The following ALX3 variants were observed in gnomAD, a reference collection of about 807,000 sequenced individuals.
The protein encoded by ALX3 is homeobox protein aristaless-like 3.
Under a neutral mutation model 26.3 loss-of-function variants are expected in ALX3, and 17 were observed. That is an observed-to-expected ratio of 0.65 (90% CI 0.44 to 0.97). The LOEUF (loss-of-function observed/expected upper bound fraction) is 0.97, where lower values mean the gene tolerates loss of function less well. ALX3 is among the 50% of genes least tolerant of loss of function. The pLI is 0.00. For synonymous variants in ALX3, 208 were observed against 201.4 expected (o/e 1.03, Z -0.28); for missense variants, 461 against 466.5 (o/e 0.99, Z 0.11).
At position 110,070,633 on chromosome 1, in the gene ALX3, C is replaced by G. The variant is rs920033778; in HGVS notation, c.-21G>C. The G allele has an allele frequency of 1.4e-4, 166 of 1,210,820 alleles. No homozygotes were observed. The highest frequency in any genetic ancestry group is 1.6e-4 in the Non-Finnish European group (159 of 975,494). 75.0% of individuals were successfully genotyped at this position (1,210,820 alleles called of 1,614,324 possible). A position where few individuals can be genotyped will look rare whatever the true frequency, so the allele number is the denominator to read the frequency against. On this transcript the variant is annotated 5_prime_UTR_variant, in exon 1 of 4. Transcript: ENST00000647563. ...TCCATGCCGGCTCAGGGCGCACAGGCCTCCGGGGCTCCGGGGCTCGCGCTG... is the reference window on the plus strand; with the variant it reads ...TCCATGCCGGCTCAGGGCGCACAGGGCTCCGGGGCTCCGGGGCTCGCGCTG...
At position 110,064,789 on chromosome 1, in the gene ALX3, C is replaced by A; in HGVS notation, c.392G>T (p.Ser131Ile). ...TCCCGGGGAAAGAGGAAGATGCAGGCTGGCCAGGCAGGGGCCTGGGGAGCC... is the reference window on the plus strand; with the variant it reads ...TCCCGGGGAAAGAGGAAGATGCAGGATGGCCAGGCAGGGGCCTGGGGAGCC... ...LQGSPGPCLA[S>I]LHLPLSPGLP... The change falls in exon 2 of 4, where the codon AGC becomes ATC. Residue 131 changes from serine (S) to isoleucine (I), a missense_variant. Around this residue, in one of 3 missense-constraint regions of ALX3, gnomAD observed 241 missense variants for 206.1 expected, o/e 1.17. Coordinates refer to ENST00000647563, the MANE Select transcript of ALX3 (RefSeq NM_006492.3). The A allele has an allele frequency of 6.2e-7, 1 of 1,614,158 alleles. No homozygotes were observed. Among genetic ancestry groups the A allele is most frequent in the East Asian group, 2.2e-5 (1 of 44,878 alleles).
At chr1:110,068,612 G>A (rs1653844295) in intron 1 of ALX3, among the ~76,000 whole-genome samples, 1 of 152,180 alleles carries the variant, frequency 6.6e-6, no homozygotes, top group Admixed American at 6.5e-5. Flanking sequence ...CTTTTGTTTA[G>A]TCTGCTCCCT....
chr1:110,061,341 G>A (rs1653637902), intron 3 of ALX3, 94 bp downstream of exon 3: 5 of 1,585,986 alleles, frequency 3.2e-6, no homozygotes, highest in Non-Finnish European at 3.5e-6. Flanking sequence ...CTGTCATACA[G>A]AACGCTGACG....
In ALX3 at chr1:110,064,691, G is replaced by A; in HGVS notation, c.490C>T (p.Gln164Ter). Reference protein sequence around the residue: ...RRNRTTFSTFQLEELEKVFQK... With the variant: ...RRNRTTFSTF ...AAGACCTTCTCCAGCTCCTCCAGCT[G>A]GAATGTGCTGAAGGTCGTGCGGTTA... The change falls in exon 2 of 4, where the codon CAG becomes TAG. Residue 164 changes from glutamine (Q) to a stop codon, truncating the protein, a stop_gained. Coordinates refer to ENST00000647563, the MANE Select transcript of ALX3 (RefSeq NM_006492.3). LOFTEE classifies it high-confidence loss of function. 1.2e-6 allele frequency: 2 copies of A among 1,614,244 alleles called. No homozygotes were observed. The highest frequency in any genetic ancestry group is 8.5e-7 in the Non-Finnish European group (1 of 1,180,058).
chr1:110,063,366 A>C (rs1250311353), intron 2 of ALX3, among the ~76,000 whole-genome samples: 1 of 152,126 alleles, frequency 6.6e-6, no homozygotes, highest in Non-Finnish European at 1.5e-5. Flanking sequence ...CAGTCTTGGA[A>C]GTCTGTTTTG....
chr1:110,068,393 G>A (rs1180157958), intron 1 of ALX3, among the ~76,000 whole-genome samples: 3 of 152,258 alleles, frequency 2.0e-5, no homozygotes, highest in Non-Finnish European at 2.9e-5. Flanking sequence ...GCTGCGCCGA[G>A]GTCCGCTCTG....
Position 110,060,616 on chromosome 1 carries a change from T to C in ALX3, c.*117A>G. 1.8e-6 allele frequency: 1 copy of C among 549,622 alleles called. No individual in the cohort carries two copies. The highest frequency in any genetic ancestry group is 2.4e-6 in the Non-Finnish European group (1 of 413,928). 34.0% of individuals were successfully genotyped at this position (549,622 alleles called of 1,614,324 possible). ...CGTGTTCCCTGCTGGGGGCTGACAG[T>C]GCCAGCTGCTCTCGCAGCCTCCAGA... On this transcript the variant is annotated 3_prime_UTR_variant, in exon 4 of 4. Transcript: ENST00000647563.
chr1:110,060,942 A>G lies in ALX3; in HGVS notation c.823T>C (p.Ser275Pro). ...CCAGCCACACTCCCATGGGGGTGGG[A>G]ATATGGAGACATGCATGGGGAGGGG... ...GIPSPCMSPY[S>P]HPHGSVAGFM... is the part of the protein sequence containing the mutation. The change falls in exon 4 of 4, where the codon TCC (serine) becomes CCC (proline). Residue 275 changes from serine (S) to proline (P), a missense_variant. Transcript: ENST00000647563. 6.2e-7 allele frequency: 1 copy of G among 1,613,168 alleles called. No homozygotes were observed.
Position 110,070,531 on chromosome 1 carries a change from G to A in ALX3, c.82C>T (p.Pro28Ser), listed in dbSNP as rs1256366776. 1.5e-6 allele frequency: 2 copies of A among 1,290,528 alleles called. No homozygotes were observed. The highest frequency in any genetic ancestry group is 2.0e-6 in the Non-Finnish European group (2 of 1,018,976). The allele number at this position is 1,290,528 out of a possible 1,614,324, so 79.9% of individuals were successfully genotyped here. The change falls in exon 1 of 4, where the codon CCG becomes TCG. Residue 28 changes from proline to serine, a missense_variant. Physicochemically the swap from Pro to Ser is moderately conservative, Grantham distance 74. Coordinates refer to ENST00000647563, the MANE Select transcript of ALX3 (RefSeq NM_006492.3). The part of the protein sequence containing the change: ...YVASGDEPPG[P>S]QGTPAAAPHL... ...GGCGCAGCGGCGGGGGTTCCCTGCGGGCCCGGAGGCTCGTCCCCCGAGGCC... is the reference window on the plus strand; with the variant it reads ...GGCGCAGCGGCGGGGGTTCCCTGCGAGCCCGGAGGCTCGTCCCCCGAGGCC...
intron 1 of ALX3, among the ~76,000 whole-genome samples, chr1:110,068,902 G>A (rs899328261): frequency 6.6e-6 from 1 of 152,152 alleles, no homozygotes; most frequent in Non-Finnish European, 1.5e-5. Flanking sequence ...CCGGCCGCTC[G>A]TTCCGCACCA....
intron 1 of ALX3, among the ~76,000 whole-genome samples, chr1:110,069,604 C>T (rs1051408030): frequency 6.6e-6 from 1 of 152,242 alleles, no homozygotes; most frequent in Non-Finnish European, 1.5e-5. Flanking sequence ...CTCCTGACTG[C>T]CCAGCGGTGA....
chr1:110,064,492 G>A, intron 2 of ALX3, 95 bp downstream of exon 2: 1 of 1,441,562 alleles, frequency 6.9e-7, no homozygotes, highest in Non-Finnish European at 9.5e-7. Flanking sequence ...GCTCTGGGAG[G>A]CACCAGTGCC....
At position 110,064,324 on chromosome 1, in the gene ALX3, C is replaced by G. The variant is rs1077581; in HGVS notation, c.594+263G>C. On this transcript the variant is annotated intron_variant, in intron 2 of 3. Coordinates refer to ENST00000647563, the MANE Select transcript of ALX3 (RefSeq NM_006492.3). Reference sequence around the variant, plus strand: ...CAAATCACCTCCAGTAAGTGGTAGACTTTAGGACTCCCACACAGGTGATGG... The same window carrying G: ...CAAATCACCTCCAGTAAGTGGTAGAGTTTAGGACTCCCACACAGGTGATGG... Among the ~76,000 whole-genome samples the G allele has an allele frequency of 0.66, 100,672 of 152,120 alleles. 33,796 individuals carry two copies. Among genetic ancestry groups the G allele is most frequent in the East Asian group, 0.8 (4,155 of 5,166 alleles).
chr1:110,061,309 AAG>A, intron 3 of ALX3, 124 bp downstream of exon 3: 2 of 1,421,980 alleles, frequency 1.4e-6, no homozygotes, highest in Non-Finnish European at 1.9e-6. Flanking sequence ...TTTGCAGAGA[AAG>A]AAGTGAAGTG....
At chr1:110,067,461 CGTA>C (rs1653817107) in intron 1 of ALX3, among the ~76,000 whole-genome samples, 1 of 152,180 alleles carries the variant, frequency 6.6e-6, no homozygotes, top group African/African-American at 2.4e-5. Context: ...AGCCTTTTAA[CGTA>C]GTAAAGGAGC....
chr1:110,070,554 G>A lies in ALX3; in HGVS notation c.59C>T (p.Ala20Val). ...RVGPAPGPYV[A>V]SGDEPPGPQG... ...CGGGCCCGGAGGCTCGTCCCCCGAGGCCACATAGGGGCCGGGTGCAGGCCC... is the reference window on the plus strand; with the variant it reads ...CGGGCCCGGAGGCTCGTCCCCCGAGACCACATAGGGGCCGGGTGCAGGCCC... The change falls in exon 1 of 4, where the codon GCC becomes GTC. Residue 20 changes from alanine (A) to valine (V), a missense_variant. Physicochemically the swap from Ala to Val is moderately conservative, Grantham distance 64. Around this residue, in one of 3 missense-constraint regions of ALX3, gnomAD observed 241 missense variants for 206.1 expected, o/e 1.17. Transcript: ENST00000647563. 2 of 1,308,914 alleles carry A rather than the reference G, an allele frequency of 1.5e-6. No homozygotes were observed. The highest frequency in any genetic ancestry group is 4.2e-5 in the South Asian group (2 of 48,150). The allele number at this position is 1,308,914 out of a possible 1,614,324, so 81.1% of individuals were successfully genotyped here. A position where few individuals can be genotyped will look rare whatever the true frequency, so the allele number is the denominator to read the frequency against.
In ALX3 at chr1:110,059,998, CTGTAG is replaced by C. The variant is rs1331860468; in HGVS notation, c.*730_*734del. 1 of 150,942 alleles carries C rather than the reference CTGTAG, an allele frequency of 6.6e-6. No individual in the cohort carries two copies. The highest frequency in any genetic ancestry group is 1.5e-5 in the Non-Finnish European group (1 of 67,942). 9.4% of individuals were successfully genotyped at this position (150,942 alleles called of 1,614,324 possible). A position where few individuals can be genotyped will look rare whatever the true frequency, so the allele number is the denominator to read the frequency against. On this transcript the variant is annotated 3_prime_UTR_variant, in exon 4 of 4. Coordinates refer to ENST00000647563, the MANE Select transcript of ALX3 (RefSeq NM_006492.3). ...CAAAAATGGGGATCAGGATCTCAGTCTGTAGAAATCTGTTTTATTCTTACCAACAT... is the reference window on the plus strand; with the variant it reads ...CAAAAATGGGGATCAGGATCTCAGTCAAATCTGTTTTATTCTTACCAACAT...
chr1:110,064,866 C>A lies in ALX3; in HGVS notation c.315G>T (p.Gln105His). The A allele has an allele frequency of 1.2e-6, 2 of 1,610,460 alleles. No individual in the cohort carries two copies. Among genetic ancestry groups the A allele is most frequent in the Non-Finnish European group, 1.7e-6 (2 of 1,178,224 alleles). ...GGCCCCCTCGGCAGTCCAAGGGCAGCTGGGGGAAGCTGGCAGCTTTGGAGG... is the reference window on the plus strand; with the variant it reads ...GGCCCCCTCGGCAGTCCAAGGGCAGATGGGGGAAGCTGGCAGCTTTGGAGG... The part of the protein sequence containing the change: ...EKTSKAASFP[Q>H]LPLDCRGGPR... Residue 105 changes from glutamine (Q) to histidine (H), a missense_variant, in exon 2 of 4, where the codon CAG becomes CAT. Gln to His is a conservative substitution (Grantham distance 24). This residue lies in a region of ALX3 where 241 missense variants were observed against 206.1 expected (regional missense o/e 1.17). Coordinates refer to ENST00000647563, the MANE Select transcript of ALX3 (RefSeq NM_006492.3).
chr1:110,067,629 G>A (rs1325182675), intron 1 of ALX3, among the ~76,000 whole-genome samples: 1 of 152,224 alleles, frequency 6.6e-6, no homozygotes, highest in Non-Finnish European at 1.5e-5. Flanking sequence ...CCCCACAGAA[G>A]GCATCCATTG....
Sources: allele counts gnomAD v4.1 joint callset (sites outside exome capture counted in the v4.1 genomes callset), GRCh38; gene constraint gnomAD v4.1.1; regional missense constraint gnomAD v4.1.1; transcripts MANE v1.5; gene names NCBI Gene and HGNC (gene_info 2026-07-23, HGNC 2026-07-21).